PNPO: variants seen among roughly 807,000 people sequenced by gnomAD.
PNPO encodes pyridoxine-5'-phosphate oxidase.
In PNPO, 39 loss-of-function variants were observed where a neutral mutation model predicts 35.0. The ratio of observed to expected loss-of-function variants is 1.11; its 90% CI spans 0.86 to 1.45. The LOEUF is 1.45. Ranked by LOEUF, PNPO falls within the 40% of genes most tolerant of loss-of-function variation. PNPO has a pLI of 0.00. For synonymous variants in PNPO, 115 were observed against 119.8 expected, an observed-to-expected ratio of 0.96 and a Z score of 0.26; for missense variants, 288 against 340.0, an observed-to-expected ratio of 0.85 and a Z score of 1.20.
intron 2 of PNPO, 25 bp from the exon 3 acceptor site, chr17:47,944,591 A>G (rs368506296): frequency 1.7e-5 from 27 of 1,564,620 alleles, no homozygotes; most frequent in Non-Finnish European, 1.9e-5. Flanking sequence ...GACTCTGACC[A>G]CAGTGCTCTG....
At position 47,945,425 on chromosome 17, in the gene PNPO, G is replaced by A. The variant is rs1385600351; in HGVS notation, c.364-134G>A. On this transcript the variant is annotated intron_variant, in intron 3 of 6. Transcript: ENST00000642017. This position sits in a 1 kb window ranked among gnomAD's most constrained non-coding sequence, Gnocchi z 4.0. ...CTGTGACAATAGGCCTACTTTTGAG[G>A]GTTTAAATGAGCTCTTACGGTGGGT... 9.1e-6 allele frequency: 7 copies of A among 771,982 alleles called. No homozygotes were observed. 47.8% of individuals were successfully genotyped at this position (771,982 alleles called of 1,614,324 possible).
Position 47,947,004 on chromosome 17 carries a change from A to G in PNPO, c.*222A>G. ...TGGCGTAGAGAATCACAAATGGAAA[A>G]TAATTCCATAATTATTTTTTTGACC... On this transcript the variant is annotated 3_prime_UTR_variant, in exon 7 of 7. Coordinates refer to ENST00000642017, the MANE Select transcript of PNPO (RefSeq NM_018129.4). The G allele has an allele frequency of 1.7e-6, 1 of 571,524 alleles. No individual in the cohort carries two copies. The highest frequency in any genetic ancestry group is 3.1e-6 in the Non-Finnish European group (1 of 319,930). 35.4% of individuals were successfully genotyped at this position (571,524 alleles called of 1,614,324 possible). A position where few individuals can be genotyped will look rare whatever the true frequency, so the allele number is the denominator to read the frequency against.
Position 47,941,584 on chromosome 17 carries a change from CCCGGGGTAGAAGT to C in PNPO, c.-89_-77del. 1 of 1,420,316 alleles carries C rather than the reference CCCGGGGTAGAAGT, an allele frequency of 7.0e-7. No homozygotes were observed. Among genetic ancestry groups the C allele is most frequent in the Non-Finnish European group, 9.3e-7 (1 of 1,079,912 alleles). 88.0% of individuals were successfully genotyped at this position (1,420,316 alleles called of 1,614,324 possible). A position where few individuals can be genotyped will look rare whatever the true frequency, so the allele number is the denominator to read the frequency against. ...TGGGCGACTGGCAAATCCTTCCTTC[CCCGGGGTAGAAGT>C]CCAGGGTGAGAAATTGGTTCCGAAC... On this transcript the variant is annotated 5_prime_UTR_variant, in exon 1 of 7. Transcript: ENST00000642017.
In PNPO at chr17:47,943,317, G is replaced by T. The variant is rs2035967134; in HGVS notation, c.150G>T (p.Glu50Asp). The T allele has an allele frequency of 6.2e-7, 1 of 1,613,654 alleles. No homozygotes were observed. Among genetic ancestry groups the T allele is most frequent in the South Asian group, 1.1e-5 (1 of 91,032 alleles). Residue 50 changes from glutamate (E) to aspartate (D), a missense_variant, in exon 2 of 7, where the codon GAG becomes GAT. Transcript: ENST00000642017. ...ATCTCCTTTCCTAGGCATTTGAGGA[G>T]ACTCATCTGACCTCCCTTGACCCAG... ...SYRGDREAFE[E>D]THLTSLDPVK...
intron 2 of PNPO, among the ~76,000 whole-genome samples, 178 bp downstream of exon 2, chr17:47,943,608 G>A (rs1028860818): frequency 3.3e-5 from 5 of 152,172 alleles, no homozygotes; most frequent in African/African-American, 1.2e-4. Context: ...CCAAAGACCA[G>A]GCCACAAAAT....
Position 47,941,785 on chromosome 17 carries a change from T to G in PNPO, c.110T>G (p.Met37Arg). 1 of 1,569,986 alleles carries G rather than the reference T, an allele frequency of 6.4e-7. No homozygotes were observed. Among genetic ancestry groups the G allele is most frequent in the Non-Finnish European group, 8.6e-7 (1 of 1,156,870 alleles). The change falls in exon 1 of 7, where the codon ATG becomes AGG. Residue 37 changes from methionine (M) to arginine (R), a missense_variant. By Grantham distance (91) the Met-to-Arg change is moderately conservative. Coordinates refer to ENST00000642017, the MANE Select transcript of PNPO (RefSeq NM_018129.4). Reference sequence around the variant, plus strand: ...AGTGCTGCCATGGACCTGGGACCCATGCGCAAGAGTTACCGCGGGGACCGA... The same window carrying G: ...AGTGCTGCCATGGACCTGGGACCCAGGCGCAAGAGTTACCGCGGGGACCGA... The part of the protein sequence containing the change: ...GRSAAMDLGP[M>R]RKSYRGDREA...
At chr17:47,946,049 C>T (rs966575944) in intron 5 of PNPO, 60 bp downstream of exon 5, 1 of 1,601,844 alleles carries the variant, frequency 6.2e-7, no homozygotes, top group Admixed American at 1.7e-5. Context: ...TCCCCAGAAG[C>T]TGTCCCCAGG....
intron 1 of PNPO, 186 bp downstream of exon 1, chr17:47,941,999 G>A: frequency 7.5e-7 from 1 of 1,330,686 alleles, no homozygotes; most frequent in Non-Finnish European, 9.6e-7. Flanking sequence ...CAGGGGAGGA[G>A]TTCCGGGGAA....
chr17:47,944,782 C>A, intron 3 of PNPO, 67 bp downstream of exon 3: 1 of 1,219,028 alleles, frequency 8.2e-7, no homozygotes, highest in Non-Finnish European at 1.2e-6. Flanking sequence ...CCTCAGTCAC[C>A]TTCTTATGCC....
rs796052869 is a variant in PNPO at position 47,946,321 on chromosome 17, A to T, written c.547-2A>T. The T allele has an allele frequency of 1.2e-6, 2 of 1,608,630 alleles. No individual in the cohort carries two copies. The highest frequency in any genetic ancestry group is 1.3e-5 in the African/African-American group (1 of 74,868). ...CTTCTTCTAACTCTTCCCCCTGGACAGTATCTGAGAAAGAAAAATGAGGAA... is the reference window on the plus strand; with the variant it reads ...CTTCTTCTAACTCTTCCCCCTGGACTGTATCTGAGAAAGAAAAATGAGGAA... On this transcript the variant is annotated splice_acceptor_variant, in intron 5 of 6. Coordinates refer to ENST00000642017, the MANE Select transcript of PNPO (RefSeq NM_018129.4). LOFTEE classifies it high-confidence loss of function.
intron 1 of PNPO, 26 bp downstream of exon 1, chr17:47,941,839 T>C: frequency 6.5e-7 from 1 of 1,546,264 alleles, no homozygotes. Flanking sequence ...CCAGGCCTCC[T>C]GCAGGGGCGG....
At chr17:47,944,781 CCTT>C in intron 3 of PNPO, 66 bp downstream of exon 3, 1 of 1,215,708 alleles carries the variant, frequency 8.2e-7, no homozygotes, top group Non-Finnish European at 1.2e-6. Flanking sequence ...TCCTCAGTCA[CCTT>C]CTTATGCCAC....
chr17:47,943,477 G>A (rs2035970360), intron 2 of PNPO, 47 bp downstream of exon 2: 1 of 1,608,114 alleles, frequency 6.2e-7, no homozygotes, highest in Non-Finnish European at 8.5e-7. Flanking sequence ...ATATGAACTA[G>A]GAAGCTTATG....
At position 47,947,534 on chromosome 17, in the gene PNPO, CTT is replaced by C. The variant is rs199634607; in HGVS notation, c.*763_*764del. 3.8e-5 allele frequency: 4 copies of C among 104,600 alleles called. No individual in the cohort carries two copies. The highest frequency in any genetic ancestry group is 3.9e-5 in the Non-Finnish European group (2 of 51,060). The allele number at this position is 104,600 out of a possible 1,614,324, so 6.5% of individuals were successfully genotyped here. On this transcript the variant is annotated 3_prime_UTR_variant, in exon 7 of 7. Coordinates refer to ENST00000642017, the MANE Select transcript of PNPO (RefSeq NM_018129.4). ...TTTTTCTTTTTTTCTTTTTTCTTTT[CTT>C]TTTTTTTTTTGAGATGGAGTCTCAC... is the stretch of plus-strand genomic sequence containing the variant.
At chr17:47,944,446 G>GCA (rs1008794821) in intron 2 of PNPO, among the ~76,000 whole-genome samples, 170 bp from the exon 3 acceptor site, 4 of 152,082 alleles carry the variant, frequency 2.6e-5, no homozygotes, top group Non-Finnish European at 5.9e-5. Context: ...CCCAGGCTGT[G>GCA]GTGTCATACC....
At position 47,945,359 on chromosome 17, in the gene PNPO, C is replaced by T; in HGVS notation, c.364-200C>T. ...TGGCTTAAACTTAGCTCCACCACTTCCTGCAGGAACTTGGGCACGTGACTT... is the reference window on the plus strand; with the variant it reads ...TGGCTTAAACTTAGCTCCACCACTTTCTGCAGGAACTTGGGCACGTGACTT... On this transcript the variant is annotated intron_variant, in intron 3 of 6. Coordinates refer to ENST00000642017, the MANE Select transcript of PNPO (RefSeq NM_018129.4). This position sits in a 1 kb window ranked among gnomAD's most constrained non-coding sequence, Gnocchi z 4.0. 6.7e-6 allele frequency: 4 copies of T among 596,086 alleles called. No individual in the cohort carries two copies. The highest frequency in any genetic ancestry group is 1.2e-5 in the Non-Finnish European group (4 of 327,780). The allele number at this position is 596,086 out of a possible 1,614,324, so 36.9% of individuals were successfully genotyped here. A position where few individuals can be genotyped will look rare whatever the true frequency, so the allele number is the denominator to read the frequency against.
In PNPO at chr17:47,949,153, C is replaced by CTGTG. The variant is rs2036044090; in HGVS notation, c.*2379_*2382dup. 6.6e-6 allele frequency: 1 copy of CTGTG among 152,256 alleles called. No individual in the cohort carries two copies. Among genetic ancestry groups the CTGTG allele is most frequent in the African/African-American group, 2.4e-5 (1 of 41,414 alleles). 9.4% of individuals were successfully genotyped at this position (152,256 alleles called of 1,614,324 possible). On this transcript the variant is annotated 3_prime_UTR_variant, in exon 7 of 7. Coordinates refer to ENST00000642017, the MANE Select transcript of PNPO (RefSeq NM_018129.4). ...CCGTTTATGAGTAAGTGATGTGTGT[C>CTGTG]TGTGTGTGTGTCTAGAAGTGCTGCA...
In PNPO at chr17:47,945,920, C is replaced by T. The variant is rs2144165258; in HGVS notation, c.477C>T (p.His159=). The change falls in exon 5 of 7, where the codon CAC becomes CAT. Residue 159 remains histidine, a synonymous_variant. Transcript: ENST00000642017. The surrounding 1 kb of genome is among the most constrained non-coding windows in gnomAD (Gnocchi z 4.0). ...AGGAGGAGGCTGAGTGCTACTTCCA[C>T]TCCCGCCCCAAGAGCAGCCAGATTG... The part of the protein sequence containing the change: ...LPEEEAECYF[H]SRPKSSQIGA... The T allele has an allele frequency of 6.2e-7, 1 of 1,613,992 alleles. No homozygotes were observed. Among genetic ancestry groups the T allele is most frequent in the South Asian group, 1.1e-5 (1 of 91,086 alleles).
Position 47,945,793 on chromosome 17 carries a change from CGGGGCCT to C in PNPO, c.418-66_418-60del, listed in dbSNP as rs1260780524. ...GGGCAGCCGATCGAACAGAGAGGAA[CGGGGCCT>C]GTGCTGGTAGGGAGGGCAGGTGGCA... On this transcript the variant is annotated intron_variant, in intron 4 of 6. Transcript: ENST00000642017. The surrounding 1 kb of genome is among the most constrained non-coding windows in gnomAD (Gnocchi z 4.0). 1.6e-5 allele frequency: 26 copies of C among 1,581,858 alleles called. No homozygotes were observed. Among genetic ancestry groups the C allele is most frequent in the Non-Finnish European group, 2.2e-5 (26 of 1,160,084 alleles).
Sources: allele counts gnomAD v4.1 joint callset (sites outside exome capture counted in the v4.1 genomes callset), GRCh38; gene constraint gnomAD v4.1.1; non-coding constraint Gnocchi (gnomAD v3.1); transcripts MANE v1.5; gene names NCBI Gene and HGNC (gene_info 2026-07-23, HGNC 2026-07-21).